TPST2: variants seen among roughly 807,000 people sequenced by gnomAD.
The protein encoded by TPST2 is tyrosylprotein sulfotransferase 2.
In TPST2, 16 loss-of-function variants were observed where a neutral mutation model predicts 27.8. The ratio of observed to expected loss-of-function variants is 0.58; its 90% CI spans 0.39 to 0.88. The LOEUF is 0.88. TPST2 is among the 40% of genes least tolerant of loss of function. The pLI is 0.00. For synonymous variants in TPST2, 229 were observed against 231.7 expected, an observed-to-expected ratio of 0.99 and a Z score of 0.10; for missense variants, 464 against 543.1, an observed-to-expected ratio of 0.85 and a Z score of 1.45.
intron 4 of TPST2, 51 bp downstream of exon 4, chr22:26,536,237 A>G (rs745586377): frequency 7.5e-5 from 120 of 1,602,090 alleles, no homozygotes; most frequent in Non-Finnish European, 9.4e-5. Context: ...ACATCTGCAG[A>G]AGCCCCATAT....
chr22:26,554,106 T>C (rs1177408004), intron 1 of TPST2, among the ~76,000 whole-genome samples: 1 of 152,152 alleles, frequency 6.6e-6, no homozygotes, highest in African/African-American at 2.4e-5. Flanking sequence ...GGTGAAGTGC[T>C]TTGTTGGAGA....
intron 1 of TPST2, among the ~76,000 whole-genome samples, chr22:26,569,151 C>T (rs1927499431): frequency 6.6e-6 from 1 of 152,208 alleles, no homozygotes. Flanking sequence ...GTGTGAGCCA[C>T]CGCGCCCAGC....
At chr22:26,540,717 G>A in intron 3 of TPST2, 72 bp downstream of exon 3, 1 of 1,410,442 alleles carries the variant, frequency 7.1e-7, no homozygotes, top group Non-Finnish European at 9.5e-7. Context: ...GAAAGGCAGT[G>A]CTGATTTTCT....
At chr22:26,581,923 A>G (rs1480414962) in intron 1 of TPST2, among the ~76,000 whole-genome samples, 1 of 152,158 alleles carries the variant, frequency 6.6e-6, no homozygotes, top group Non-Finnish European at 1.5e-5. Context: ...CCACAGACAA[A>G]ATGTCAATAA....
chr22:26,545,813 C>T (rs1037984272), intron 1 of TPST2, among the ~76,000 whole-genome samples: 1 of 152,204 alleles, frequency 6.6e-6, no homozygotes, highest in East Asian at 1.9e-4. Context: ...GGGGTGGTGG[C>T]TCACGCCTGT....
chr22:26,578,077 AG>A (rs1198233495), intron 1 of TPST2, among the ~76,000 whole-genome samples: 1 of 152,154 alleles, frequency 6.6e-6, no homozygotes, highest in Non-Finnish European at 1.5e-5. Context: ...AATTACCAAA[AG>A]GAATTTCAAT....
intron 1 of TPST2, among the ~76,000 whole-genome samples, chr22:26,571,634 T>G (rs773360417): frequency 6.6e-6 from 1 of 152,112 alleles, no homozygotes; most frequent in East Asian, 1.9e-4. Flanking sequence ...CCTCTCAGCA[T>G]AGCAACCGTG....
In TPST2 at chr22:26,559,163, C is replaced by T. The variant is rs1343917316; in HGVS notation, c.-160-14488G>A. On this transcript the variant is annotated intron_variant, in intron 1 of 6. Coordinates refer to ENST00000338754, the MANE Select transcript of TPST2 (RefSeq NM_003595.5). ...AGGCGATCACCTGAGGTCAGGAGTT[C>T]GTGACCAGCCTGGCCAACATGGTGA... Among the ~76,000 whole-genome samples, 7 of 152,352 alleles carry T rather than the reference C, an allele frequency of 4.6e-5. No individual in the cohort carries two copies. In the East Asian group the frequency reaches 1.4e-3, roughly 29 times the overall value.
At chr22:26,529,634 G>A (rs1242516397) in intron 5 of TPST2, among the ~76,000 whole-genome samples, 1 of 152,234 alleles carries the variant, frequency 6.6e-6, no homozygotes, top group Non-Finnish European at 1.5e-5. Flanking sequence ...GAGAGGCTGG[G>A]AGGGTGTCAT....
chr22:26,562,290 G>C (rs1022678922), intron 1 of TPST2, among the ~76,000 whole-genome samples: 47 of 152,304 alleles, frequency 3.1e-4, no homozygotes, highest in African/African-American at 1.1e-3. Context: ...TGTATGCTTA[G>C]GGGCTGCTGG....
chr22:26,566,742 ACT>A (rs1482076235), intron 1 of TPST2, among the ~76,000 whole-genome samples: 9 of 151,734 alleles, frequency 5.9e-5, no homozygotes, highest in East Asian at 2.0e-4. Context: ...ACAGAGTAAG[ACT>A]CTGTCTCAAA....
At chr22:26,560,361 T>C (rs1414409199) in intron 1 of TPST2, among the ~76,000 whole-genome samples, 2 of 152,094 alleles carry the variant, frequency 1.3e-5, no homozygotes, top group Non-Finnish European at 2.9e-5. Context: ...GGTTCCTCAT[T>C]TGTAAAATGA....
At chr22:26,538,892 C>A (rs1054450813) in intron 3 of TPST2, among the ~76,000 whole-genome samples, 1 of 152,154 alleles carries the variant, frequency 6.6e-6, no homozygotes, top group African/African-American at 2.4e-5. Context: ...GCTCCCACAC[C>A]ACCGTGGAAA....
At chr22:26,536,082 C>T (rs1481048531) in intron 4 of TPST2, 1 of 727,290 alleles carries the variant, frequency 1.4e-6, no homozygotes, top group Middle Eastern at 2.3e-4. Context: ...GAGAGACAGG[C>T]TACCAGTTGG....
chr22:26,577,081 A>G lies in TPST2; in HGVS notation c.-161+12972T>C, dbSNP rs556168202. On this transcript the variant is annotated intron_variant, in intron 1 of 6. Coordinates refer to ENST00000338754, the MANE Select transcript of TPST2 (RefSeq NM_003595.5). ...ACTGCACTCCAGCCTGGGCGACAGA[A>G]CGAGACTCTGTTGCAAAAAAAAAAA... Among the ~76,000 whole-genome samples, 423 of 143,824 alleles carry G rather than the reference A, an allele frequency of 2.9e-3. 1 individual carries two copies. The highest frequency in any genetic ancestry group is 9.4e-3 in the African/African-American group (362 of 38,654). The allele number at this position is 143,824 out of a possible 152,430, so 94.4% of individuals were successfully genotyped here.
At position 26,551,883 on chromosome 22, in the gene TPST2, CTTTTT is replaced by C. The variant is rs1163793644; in HGVS notation, c.-160-7213_-160-7209del. On this transcript the variant is annotated intron_variant, in intron 1 of 6. Transcript: ENST00000338754. ...ATTCTTTTCCTTTTCTTTTCTTTTT[CTTTTT>C]TTTTTTTTTTTTTTTTTTGAGACAG... Among the ~76,000 whole-genome samples, 358 of 66,414 alleles carry C rather than the reference CTTTTT, an allele frequency of 5.4e-3. 6 individuals are homozygous for C. In the East Asian group the frequency reaches 0.11, roughly 20 times the overall value. 43.6% of individuals were successfully genotyped at this position (66,414 alleles called of 152,430 possible). A position where few individuals can be genotyped will look rare whatever the true frequency, so the allele number is the denominator to read the frequency against.
At chr22:26,568,210 T>C (rs1440432037) in intron 1 of TPST2, among the ~76,000 whole-genome samples, 2 of 152,120 alleles carry the variant, frequency 1.3e-5, no homozygotes, top group Admixed American at 1.3e-4. Context: ...TAAACAGATA[T>C]ATACTAAACA....
intron 6 of TPST2, among the ~76,000 whole-genome samples, chr22:26,527,804 T>C (rs751913531): frequency 3.3e-5 from 5 of 152,164 alleles, no homozygotes; most frequent in African/African-American, 4.8e-5. Flanking sequence ...ACAGAACGAC[T>C]TGTGACTGTT....
intron 5 of TPST2, among the ~76,000 whole-genome samples, chr22:26,532,481 G>T (rs573458631): frequency 6.6e-6 from 1 of 152,080 alleles, no homozygotes; most frequent in Non-Finnish European, 1.5e-5. Flanking sequence ...GGGTTTCACC[G>T]TTTTGGTCAG....
Sources: allele counts gnomAD v4.1 joint callset (sites outside exome capture counted in the v4.1 genomes callset), GRCh38; gene constraint gnomAD v4.1.1; transcripts MANE v1.5; gene names NCBI Gene and HGNC (gene_info 2026-07-23, HGNC 2026-07-21).